Variants in PIK3R6 observed in about 807,000 individuals in gnomAD.
PIK3R6 encodes phosphoinositide-3-kinase regulatory subunit 6.
In PIK3R6, 91 loss-of-function variants were observed where a neutral mutation model predicts 84.9. The ratio of observed to expected loss-of-function variants is 1.07; its 90% CI spans 0.90 to 1.28. The LOEUF (loss-of-function observed/expected upper bound fraction) is 1.28. PIK3R6 is among the 50% of genes most tolerant of loss of function. The probability of loss-of-function intolerance (pLI) is 0.00; values close to 1 mark genes in which losing one functional copy is unlikely to be tolerated. For synonymous variants in PIK3R6, 416 were observed against 411.4 expected (o/e 1.01, Z -0.13); for missense variants, 996 against 985.1 (o/e 1.01, Z -0.15).
intron 10 of PIK3R6, 35 bp downstream of exon 10, chr17:8,829,671 T>G: frequency 6.5e-7 from 1 of 1,532,714 alleles, no homozygotes; most frequent in South Asian, 1.2e-5. Context: ...CACAGACATA[T>G]ACCACTGTTT....
intron 8 of PIK3R6, among the ~76,000 whole-genome samples, chr17:8,834,073 C>T (rs944108130): frequency 6.8e-6 from 1 of 146,694 alleles, no homozygotes; most frequent in Non-Finnish European, 1.5e-5. Flanking sequence ...AGGAGAATGG[C>T]GTGAACCCAG....
In PIK3R6 at chr17:8,827,154, A is replaced by T; in HGVS notation, c.1515+18T>A. ...TCCCGTCCCTCTCTCCCTCCCTGGT[A>T]CCCTCACCCTCCCCTACCATCTCAG... On this transcript the variant is annotated intron_variant, in intron 13 of 19. Transcript: ENST00000619866. The T allele has an allele frequency of 6.2e-7, 1 of 1,610,708 alleles. No individual in the cohort carries two copies. Among genetic ancestry groups the T allele is most frequent in the Non-Finnish European group, 8.5e-7 (1 of 1,178,388 alleles).
In PIK3R6 at chr17:8,836,799, G is replaced by T; in HGVS notation, c.383C>A (p.Ala128Asp). The T allele has an allele frequency of 6.2e-7, 1 of 1,609,444 alleles. No individual in the cohort carries two copies. The highest frequency in any genetic ancestry group is 8.5e-7 in the Non-Finnish European group (1 of 1,177,894). The change falls in exon 6 of 20, where the codon GCT becomes GAT. Residue 128 changes from alanine (A) to aspartate (D), a missense_variant. Physicochemically the swap from Ala to Asp is moderately radical, Grantham distance 126. Transcript: ENST00000619866. ...TGCCCAGTGACTCTTACCTGGGACA[G>T]CCATCTCCGTTTTCAGCCTTATCGC... Reference protein sequence around the residue: ...DCAIRLKTEMAVPGTLYQRMV... With the variant: ...DCAIRLKTEMDVPGTLYQRMV...
At chr17:8,827,457 A>G (rs1283400325) in intron 12 of PIK3R6, among the ~76,000 whole-genome samples, 163 bp from the exon 13 acceptor site, 1 of 152,224 alleles carries the variant, frequency 6.6e-6, no homozygotes, top group Admixed American at 6.5e-5. Context: ...ATAAACTCAG[A>G]TGAAGCTAGA....
chr17:8,824,509 CCTTCGAAAGGGTCA>C (rs2087854796), intron 13 of PIK3R6, among the ~76,000 whole-genome samples: 1 of 152,148 alleles, frequency 6.6e-6, no homozygotes, highest in Non-Finnish European at 1.5e-5. Flanking sequence ...AATATTGTTC[CCTTCGAAAGGGTCA>C]CACTGAGGAG....
rs751857443 is a variant in PIK3R6 at position 8,827,257 on chromosome 17, A to C, written c.1430T>G (p.Leu477Arg). Residue 477 changes from leucine to arginine, a missense_variant, in exon 13 of 20, where the codon CTG becomes CGG. Coordinates refer to ENST00000619866, the MANE Select transcript of PIK3R6 (RefSeq NM_001010855.4). ...GTCTACGCGGCCCAGGAACGTAGCC[A>C]GCTCTCCCAGCTCCGGCTGCCTGGA... is the stretch of plus-strand genomic sequence containing the variant. ...AASRQPELGE[L>R]ATFLGRVDPW... is the part of the protein sequence containing the mutation. 2.5e-6 allele frequency: 4 copies of C among 1,572,200 alleles called. No homozygotes were observed. Among genetic ancestry groups the C allele is most frequent in the African/African-American group, 2.7e-5 (2 of 73,760 alleles).
At chr17:8,850,539 T>G (rs1194476122) in intron 1 of PIK3R6, among the ~76,000 whole-genome samples, 1 of 152,154 alleles carries the variant, frequency 6.6e-6, no homozygotes, top group Non-Finnish European at 1.5e-5. Context: ...GACTTGGAAC[T>G]CAGACCGTCT....
intron 18 of PIK3R6, among the ~76,000 whole-genome samples, chr17:8,811,860 G>A (rs2087367633): frequency 6.8e-6 from 1 of 148,114 alleles, no homozygotes; most frequent in South Asian, 2.3e-4. Context: ...ACCTCTGCCT[G>A]TTACCCAGTT....
chr17:8,853,787 C>A (rs2089047008), intron 1 of PIK3R6, among the ~76,000 whole-genome samples: 1 of 151,608 alleles, frequency 6.6e-6, no homozygotes, highest in African/African-American at 2.4e-5. Context: ...CATGATGAAA[C>A]CCTGTCTCTA....
In PIK3R6 at chr17:8,867,631, C is replaced by G. The variant is rs1392751309; in HGVS notation, c.-194G>C. 2.0e-6 allele frequency: 1 copy of G among 496,384 alleles called. No individual in the cohort carries two copies. The highest frequency in any genetic ancestry group is 1.5e-5 in the South Asian group (1 of 68,174). The allele number at this position is 496,384 out of a possible 1,614,324, so 30.7% of individuals were successfully genotyped here. ...CAGAGAAGCAGATGTCTTGGGGGAG[C>G]CTCCACGGGTGTCTGTGGTCTTGAC... On this transcript the variant is annotated 5_prime_UTR_variant, in exon 1 of 20. Coordinates refer to ENST00000619866, the MANE Select transcript of PIK3R6 (RefSeq NM_001010855.4).
At chr17:8,852,467 C>T (rs1238094456) in intron 1 of PIK3R6, among the ~76,000 whole-genome samples, 2 of 152,090 alleles carry the variant, frequency 1.3e-5, no homozygotes, top group Admixed American at 6.5e-5. Flanking sequence ...AGGCCAGGTG[C>T]GGTGGCTCAC....
chr17:8,846,460 T>C (rs2088817318), intron 2 of PIK3R6, among the ~76,000 whole-genome samples: 1 of 152,176 alleles, frequency 6.6e-6, no homozygotes, highest in African/African-American at 2.4e-5. Flanking sequence ...TTTGGTTCCA[T>C]ATAAATTTTA....
At chr17:8,830,474 A>G (rs575015078) in intron 9 of PIK3R6, among the ~76,000 whole-genome samples, 4 of 152,210 alleles carry the variant, frequency 2.6e-5, no homozygotes, top group Non-Finnish European at 4.4e-5. Flanking sequence ...TTTCACTTCT[A>G]TATTGCTGTG....
intron 13 of PIK3R6, among the ~76,000 whole-genome samples, chr17:8,823,739 G>A (rs907824669): frequency 3.3e-5 from 5 of 152,268 alleles, no homozygotes; most frequent in East Asian, 3.9e-4. Flanking sequence ...ACTACTGAGC[G>A]CTGCTATGTG....
chr17:8,826,943 T>C (rs1299791212), intron 13 of PIK3R6, among the ~76,000 whole-genome samples: 1 of 152,128 alleles, frequency 6.6e-6, no homozygotes, highest in African/African-American at 2.4e-5. Context: ...CTGGTAAGTG[T>C]CCCGAGTGAG....
rs1290211857 is a variant in PIK3R6 at position 8,837,926 on chromosome 17, T to C, written c.190-55A>G. On this transcript the variant is annotated intron_variant, in intron 4 of 19. Coordinates refer to ENST00000619866, the MANE Select transcript of PIK3R6 (RefSeq NM_001010855.4). ...TTGGGCTGGGGGAATCCCCACTTCA[T>C]AGCGGGAGGCAGTCTAGGCTGGGAG... The C allele has an allele frequency of 7.4e-6, 11 of 1,491,800 alleles. No homozygotes were observed. In the South Asian group the frequency reaches 1.1e-4, roughly 15 times the overall value. The allele number at this position is 1,491,800 out of a possible 1,614,324, so 92.4% of individuals were successfully genotyped here.
chr17:8,846,127 T>C (rs141872715), intron 2 of PIK3R6, among the ~76,000 whole-genome samples: 7 of 152,310 alleles, frequency 4.6e-5, no homozygotes, highest in African/African-American at 1.7e-4. Flanking sequence ...TATCTTGAGT[T>C]AATTTTTGTA....
intron 1 of PIK3R6, among the ~76,000 whole-genome samples, chr17:8,854,735 CAAT>C (rs945581641): frequency 2.0e-5 from 3 of 152,026 alleles, no homozygotes; most frequent in Non-Finnish European, 2.9e-5. Context: ...AAATTCAAAA[CAAT>C]AAACTTTTAG....
intron 18 of PIK3R6, among the ~76,000 whole-genome samples, chr17:8,811,787 T>C (rs2087365565): frequency 6.7e-6 from 1 of 148,176 alleles, no homozygotes; most frequent in South Asian, 2.3e-4. Flanking sequence ...ATTCAAAAAG[T>C]CTCTAGGAAG....
Sources: allele counts gnomAD v4.1 joint callset (sites outside exome capture counted in the v4.1 genomes callset), GRCh38; gene constraint gnomAD v4.1.1; transcripts MANE v1.5; gene names NCBI Gene and HGNC (gene_info 2026-07-23, HGNC 2026-07-21).